ZNF385D: variants seen among roughly 807,000 people sequenced by gnomAD.
The protein encoded by ZNF385D is zinc finger protein 659.
A neutral mutation model predicts 35.8 loss-of-function variants in ZNF385D; 15 were observed. That is an observed-to-expected ratio of 0.42 (90% CI 0.28 to 0.64). The LOEUF is 0.64. ZNF385D is among the 30% of genes least tolerant of loss of function. ZNF385D has a pLI of 0.23. For missense variants in ZNF385D, 474 were observed against 494.6 expected (o/e 0.96, Z 0.39); for synonymous variants, 212 against 186.8 (o/e 1.13, Z -1.10).
intron 2 of ZNF385D, among the ~76,000 whole-genome samples, chr3:22,178,034 G>A (rs547283487): frequency 8.1e-4 from 124 of 152,178 alleles, no homozygotes; most frequent in African/African-American, 2.6e-3. Flanking sequence ...GAATACTGCC[G>A]CATTAAACAT....
chr3:21,523,213 A>T (rs1366292506), intron 3 of ZNF385D, among the ~76,000 whole-genome samples: 2 of 152,216 alleles, frequency 1.3e-5, no homozygotes, highest in Non-Finnish European at 2.9e-5. Context: ...TGCAACTATC[A>T]TGGGAATTTT....
chr3:21,709,214 C>T (rs1246734803), intron 1 of ZNF385D, among the ~76,000 whole-genome samples: 1 of 152,142 alleles, frequency 6.6e-6, no homozygotes, highest in Admixed American at 6.5e-5. Context: ...TCTCACGTTC[C>T]TTTCAGAAAC....
chr3:21,637,937 G>A (rs1046761774), intron 2 of ZNF385D, among the ~76,000 whole-genome samples: 14 of 152,032 alleles, frequency 9.2e-5, no homozygotes, highest in African/African-American at 3.4e-4. Flanking sequence ...CTAAAATTTA[G>A]TCTTAATACA....
chr3:21,990,885 G>T (rs1383633661), intron 3 of ZNF385D, among the ~76,000 whole-genome samples: 1 of 152,128 alleles, frequency 6.6e-6, no homozygotes, highest in Non-Finnish European at 1.5e-5. Context: ...CAAATCTTCT[G>T]GCAATAACTC....
intron 3 of ZNF385D, among the ~76,000 whole-genome samples, chr3:21,895,589 C>A (rs1313524662): frequency 6.6e-6 from 1 of 151,158 alleles, no homozygotes; most frequent in Admixed American, 6.6e-5. Context: ...GATCTGCCCA[C>A]CTCGGCCTCC....
chr3:21,861,533 T>A (rs1697053999), intron 3 of ZNF385D, among the ~76,000 whole-genome samples: 1 of 152,102 alleles, frequency 6.6e-6, no homozygotes, highest in African/African-American at 2.4e-5. Context: ...TACCAATATA[T>A]AACTGATCTG....
intron 3 of ZNF385D, among the ~76,000 whole-genome samples, chr3:21,909,595 C>T (rs1699862164): frequency 6.6e-6 from 1 of 151,732 alleles, no homozygotes; most frequent in South Asian, 2.1e-4. Flanking sequence ...TTATCATCTC[C>T]AACTCAAGGT....
intron 3 of ZNF385D, among the ~76,000 whole-genome samples, chr3:21,982,436 A>G (rs1694524134): frequency 6.6e-6 from 1 of 152,044 alleles, no homozygotes; most frequent in Non-Finnish European, 1.5e-5. Context: ...TTGACTTTGT[A>G]TCCTCTAACT....
intron 3 of ZNF385D, among the ~76,000 whole-genome samples, chr3:22,029,850 A>C (rs1576184868): frequency 1.3e-5 from 2 of 152,016 alleles, no homozygotes; most frequent in Admixed American, 6.6e-5. Context: ...TATGGGTTCA[A>C]GTTGACAAGG....
chr3:21,498,433 A>G (rs1490620130), intron 4 of ZNF385D, among the ~76,000 whole-genome samples: 1 of 152,184 alleles, frequency 6.6e-6, no homozygotes, highest in Admixed American at 6.5e-5. Flanking sequence ...CAACCTACAG[A>G]ATGGAAGAAT....
chr3:21,571,161 G>C (rs1329339808), intron 2 of ZNF385D, among the ~76,000 whole-genome samples: 1 of 152,058 alleles, frequency 6.6e-6, no homozygotes, highest in Non-Finnish European at 1.5e-5. Flanking sequence ...TCCTGTACTT[G>C]GCAAGTCAAT....
At chr3:21,515,390 T>A (rs1707494018) in intron 3 of ZNF385D, among the ~76,000 whole-genome samples, 2 of 152,304 alleles carry the variant, frequency 1.3e-5, no homozygotes, top group South Asian at 2.1e-4. Context: ...ATATATCCAA[T>A]AACCATAACC....
chr3:21,511,987 A>C (rs1435023923), intron 3 of ZNF385D, among the ~76,000 whole-genome samples: 2 of 151,672 alleles, frequency 1.3e-5, no homozygotes, highest in Admixed American at 1.3e-4. Flanking sequence ...TCTCTACTAA[A>C]AATACAAAAA....
At chr3:22,231,746 C>T (rs1028501522) in intron 2 of ZNF385D, among the ~76,000 whole-genome samples, 8 of 152,038 alleles carry the variant, frequency 5.3e-5, no homozygotes, top group Non-Finnish European at 1.0e-4. Context: ...GCTCTGTGTC[C>T]CCACACAGAT....
chr3:21,634,707 T>G (rs906844889), intron 2 of ZNF385D, among the ~76,000 whole-genome samples: 2 of 152,098 alleles, frequency 1.3e-5, no homozygotes, highest in Admixed American at 1.3e-4. Flanking sequence ...GTTTTGTTAT[T>G]GTTATGTTTT....
At chr3:21,447,217 G>A (rs886979019) in intron 4 of ZNF385D, among the ~76,000 whole-genome samples, 1 of 151,998 alleles carries the variant, frequency 6.6e-6, no homozygotes, top group Admixed American at 6.6e-5. Flanking sequence ...TAAATATTAC[G>A]AAAGGGAAAG....
At chr3:22,359,935 T>C (rs1404492108) in intron 2 of ZNF385D, among the ~76,000 whole-genome samples, 2 of 151,900 alleles carry the variant, frequency 1.3e-5, no homozygotes, top group Non-Finnish European at 2.9e-5. Flanking sequence ...TAAAAAGGTA[T>C]TTTACATGTA....
At chr3:21,950,502 G>T in intron 3 of ZNF385D, among the ~76,000 whole-genome samples, 1 of 151,656 alleles carries the variant, frequency 6.6e-6, no homozygotes, top group African/African-American at 2.4e-5. Flanking sequence ...TCTGTAGGTT[G>T]CCTGTTCACT....
At chr3:22,328,227 A>G (rs1281353725) in intron 2 of ZNF385D, among the ~76,000 whole-genome samples, 2 of 151,132 alleles carry the variant, frequency 1.3e-5, no homozygotes, top group Non-Finnish European at 2.9e-5. Context: ...CCCTCACTTC[A>G]TGGTCCTGCT....
Sources: gnomAD v4.1 joint callset for allele counts (sites outside exome capture counted in the v4.1 genomes callset) on GRCh38, gnomAD v4.1.1 for gene constraint, MANE v1.5 for transcripts, NCBI Gene and HGNC (gene_info 2026-07-23, HGNC 2026-07-21) for gene names.